The following USP33 variants were observed in gnomAD, a reference collection of about 807,000 sequenced individuals.
The protein encoded by USP33 is ubiquitin specific peptidase 33.
In USP33, 46 loss-of-function variants were observed where a neutral mutation model predicts 124.2. That is an observed-to-expected ratio of 0.37 (90% CI 0.29 to 0.47). The LOEUF (loss-of-function observed/expected upper bound fraction) is 0.47. Ranked by LOEUF, USP33 falls within the 20% of genes least tolerant of loss-of-function variation. USP33 has a pLI of 0.99. For synonymous variants in USP33, 350 were observed against 352.3 expected (o/e 0.99, Z 0.07); for missense variants, 851 against 1,070.6 (o/e 0.79, Z 2.86).
chr1:77,708,624 A>G (rs1447465876), intron 21 of USP33, among the ~76,000 whole-genome samples: 2 of 152,186 alleles, frequency 1.3e-5, no homozygotes, highest in East Asian at 3.9e-4. Flanking sequence ...ACTTATAGGA[A>G]AACTCCAAGT....
intron 21 of USP33, chr1:77,701,683 T>G: frequency 2.4e-6 from 1 of 412,188 alleles, no homozygotes; most frequent in Non-Finnish European, 4.2e-6. Flanking sequence ...ATTTATTTAT[T>G]TTTGAGATAG....
chr1:77,718,957 A>G (rs1676248548), intron 15 of USP33, among the ~76,000 whole-genome samples: 1 of 152,044 alleles, frequency 6.6e-6, no homozygotes, highest in South Asian at 2.1e-4. Flanking sequence ...AAAGAAAGAA[A>G]GAAAATGCAG....
intron 21 of USP33, 181 bp downstream of exon 21, chr1:77,711,566 G>C (rs1675265685): frequency 1.1e-6 from 1 of 943,636 alleles, no homozygotes; most frequent in Admixed American, 3.5e-5. Context: ...CACACAAAGG[G>C]AGAACATAAC....
rs188247323 is a variant in USP33, at chr1:77,755,626, A to C, written c.-52+4017T>G. Among the ~76,000 whole-genome samples, 64 of 152,366 alleles carry C rather than the reference A, an allele frequency of 4.2e-4. No homozygotes were observed. In the South Asian group the frequency reaches 5.4e-3, roughly 13 times the overall value. ...GTGGTGAGAACTGCTTGAACGCAGG[A>C]GGTGGAGGTTGCAGTGAGCCAAGAT... On this transcript the variant is annotated intron_variant, in intron 1 of 23. Transcript: ENST00000370794.
chr1:77,750,699 T>A (rs1465617078), intron 1 of USP33, among the ~76,000 whole-genome samples: 1 of 150,420 alleles, frequency 6.6e-6, no homozygotes, highest in South Asian at 2.1e-4. Context: ...AGGAAAAGAA[T>A]TAGTGCATGT....
chr1:77,702,770 G>T (rs1002077799), intron 21 of USP33, among the ~76,000 whole-genome samples: 3 of 151,890 alleles, frequency 2.0e-5, no homozygotes, highest in Non-Finnish European at 2.9e-5. Context: ...TTTTTTGCCA[G>T]GTTAGCCAGT....
chr1:77,723,821 C>A (rs1354284892), intron 11 of USP33, among the ~76,000 whole-genome samples: 3 of 151,934 alleles, frequency 2.0e-5, no homozygotes, highest in Non-Finnish European at 4.4e-5. Flanking sequence ...CCCACCACCA[C>A]GCCCAGCTAT....
chr1:77,753,041 T>C (rs984005163), intron 1 of USP33, among the ~76,000 whole-genome samples: 1 of 152,058 alleles, frequency 6.6e-6, no homozygotes, highest in Non-Finnish European at 1.5e-5. Context: ...ATCATGCCAC[T>C]GCACTCCAGT....
rs1181414411 is a variant in USP33 at position 77,697,612 on chromosome 1, C to A, written c.2579-138G>T. On this transcript the variant is annotated intron_variant, in intron 23 of 23. Coordinates refer to ENST00000370794, the MANE Select transcript of USP33 (RefSeq NM_201624.3). ...AACATGAATCTGCAGACTACCAGCC[C>A]ATATTGTTATAAGCTGAAACATATG... is the stretch of plus-strand genomic sequence containing the variant. 3 of 1,089,458 alleles carry A rather than the reference C, an allele frequency of 2.8e-6. No individual in the cohort carries two copies. The African/African-American group carries it at 4.8e-5, about 17-fold the overall frequency. 67.5% of individuals were successfully genotyped at this position (1,089,458 alleles called of 1,614,324 possible).
Position 77,741,072 on chromosome 1 carries a change from G to C in USP33, c.136-133C>G, listed in dbSNP as rs1679066850. On this transcript the variant is annotated intron_variant, in intron 3 of 23. Coordinates refer to ENST00000370794, the MANE Select transcript of USP33 (RefSeq NM_201624.3). ...CATTCAATGAGTAAATGACTTTCCA[G>C]TCATTAAATTTAACCAAATGTTTCC... is the stretch of plus-strand genomic sequence containing the variant. The C allele has an allele frequency of 4.5e-6, 3 of 660,058 alleles. No individual in the cohort carries two copies. The South Asian group carries it at 7.8e-5, about 17-fold the overall frequency. The allele number at this position is 660,058 out of a possible 1,614,324, so 40.9% of individuals were successfully genotyped here. A position where few individuals can be genotyped will look rare whatever the true frequency, so the allele number is the denominator to read the frequency against.
At chr1:77,715,113 T>G (rs1165768470) in intron 18 of USP33, among the ~76,000 whole-genome samples, 7 of 152,228 alleles carry the variant, frequency 4.6e-5, no homozygotes, top group African/African-American at 1.7e-4. Flanking sequence ...AACAAATATT[T>G]TTATAGTAAT....
chr1:77,717,071 C>T (rs1444783897), intron 17 of USP33, among the ~76,000 whole-genome samples: 2 of 151,688 alleles, frequency 1.3e-5, no homozygotes, highest in Non-Finnish European at 2.9e-5. Context: ...TTCACAATGT[C>T]GGCCAGACTG....
intron 21 of USP33, among the ~76,000 whole-genome samples, chr1:77,706,229 T>A (rs887980228): frequency 2.0e-5 from 3 of 152,226 alleles, no homozygotes; most frequent in African/African-American, 7.2e-5. Context: ...ATTACCAAAC[T>A]GTTTATCATG....
chr1:77,708,025 A>G (rs1040084971), intron 21 of USP33, among the ~76,000 whole-genome samples: 2 of 152,204 alleles, frequency 1.3e-5, no homozygotes, highest in African/African-American at 4.8e-5. Flanking sequence ...AATATGGGGA[A>G]AGGGCAAATG....
At chr1:77,759,470 G>A in intron 1 of USP33, 173 bp downstream of exon 1, 2 of 396,386 alleles carry the variant, frequency 5.0e-6, no homozygotes, top group Non-Finnish European at 4.4e-6. Flanking sequence ...GCAGAGCACC[G>A]AGGGGCCAAG....
chr1:77,737,787 C>T (rs548332937), intron 5 of USP33, among the ~76,000 whole-genome samples: 5 of 152,300 alleles, frequency 3.3e-5, no homozygotes, highest in African/African-American at 1.2e-4. Flanking sequence ...GCAGAAATGG[C>T]AACAGATAGC....
chr1:77,702,934 G>C (rs929786349), intron 21 of USP33, among the ~76,000 whole-genome samples: 5 of 151,872 alleles, frequency 3.3e-5, no homozygotes, highest in Admixed American at 6.6e-5. Context: ...GTAGTGTGTA[G>C]TAGTGTGTAA....
At chr1:77,733,385 C>A (rs1223931454) in intron 7 of USP33, among the ~76,000 whole-genome samples, 1 of 148,698 alleles carries the variant, frequency 6.7e-6, no homozygotes. Context: ...AGAGTGAGAC[C>A]CAGCCTAAAA....
chr1:77,748,083 CAT>C (rs1285508146), intron 1 of USP33, among the ~76,000 whole-genome samples: 1 of 152,174 alleles, frequency 6.6e-6, no homozygotes, highest in Non-Finnish European at 1.5e-5. Flanking sequence ...TAATGGAAAA[CAT>C]AAGTTTTCCA....
Sources: gnomAD v4.1 joint callset for allele counts (sites outside exome capture counted in the v4.1 genomes callset) on GRCh38, gnomAD v4.1.1 for gene constraint, MANE v1.5 for transcripts, NCBI Gene and HGNC (gene_info 2026-07-23, HGNC 2026-07-21) for gene names.